The following PLPPR5 variants were observed in gnomAD, a reference collection of about 807,000 sequenced individuals.
PLPPR5 encodes the protein phospholipid phosphatase related 5.
A neutral mutation model predicts 33.9 loss-of-function variants in PLPPR5; 16 were observed. That is an observed-to-expected ratio of 0.47 (90% confidence interval 0.32 to 0.72). The LOEUF is 0.72. PLPPR5 is among the 30% of genes least tolerant of loss of function. PLPPR5 has a pLI of 0.03. For missense variants in PLPPR5, 301 were observed against 406.7 expected (o/e 0.74, Z 2.23); for synonymous variants, 163 against 150.3 (o/e 1.08, Z -0.62).
intron 1 of PLPPR5, among the ~76,000 whole-genome samples, chr1:98,960,352 T>G (rs1447015722): frequency 6.6e-6 from 1 of 151,948 alleles, no homozygotes; most frequent in South Asian, 2.1e-4. Flanking sequence ...TATAGGCACA[T>G]GCCACCACAC....
intron 5 of PLPPR5, among the ~76,000 whole-genome samples, chr1:98,898,971 C>A (rs375821781): frequency 1.6e-4 from 24 of 152,260 alleles, no homozygotes; most frequent in African/African-American, 5.3e-4. Context: ...CTTATGAAGT[C>A]TTTCCAAGTC....
chr1:98,894,084 A>C (rs1487876047), intron 5 of PLPPR5, among the ~76,000 whole-genome samples: 1 of 152,014 alleles, frequency 6.6e-6, no homozygotes, highest in African/African-American at 2.4e-5. Context: ...AGGCATATTA[A>C]ACCACACAAA....
At chr1:98,965,055 C>T (rs1401234823) in intron 1 of PLPPR5, among the ~76,000 whole-genome samples, 4 of 150,564 alleles carry the variant, frequency 2.7e-5, no homozygotes, top group South Asian at 2.1e-4. Context: ...TTATGCAGTC[C>T]GCCCGCCTCA....
intron 1 of PLPPR5, among the ~76,000 whole-genome samples, chr1:99,002,041 T>G (rs1422084120): frequency 2.6e-5 from 4 of 152,210 alleles, no homozygotes; most frequent in Non-Finnish European, 5.9e-5. Flanking sequence ...TGATGGGTAC[T>G]GTTAATATTA....
intron 1 of PLPPR5, among the ~76,000 whole-genome samples, chr1:98,998,012 G>A (rs1321253597): frequency 6.6e-6 from 1 of 152,024 alleles, no homozygotes; most frequent in African/African-American, 2.4e-5. Flanking sequence ...AACACTAACT[G>A]GTGTTATGGT....
At chr1:98,969,935 T>G (rs1651601906) in intron 1 of PLPPR5, among the ~76,000 whole-genome samples, 1 of 152,104 alleles carries the variant, frequency 6.6e-6, no homozygotes, top group South Asian at 2.1e-4. Flanking sequence ...AATAGGCTTT[T>G]GAGGTGACAG....
chr1:98,921,271 G>A (rs1480428865), intron 4 of PLPPR5, among the ~76,000 whole-genome samples: 1 of 152,078 alleles, frequency 6.6e-6, no homozygotes, highest in African/African-American at 2.4e-5. Context: ...TTTACTATGC[G>A]GTGAAATATG....
chr1:98,952,459 A>G (rs916928095), intron 3 of PLPPR5, among the ~76,000 whole-genome samples: 10 of 152,018 alleles, frequency 6.6e-5, no homozygotes, highest in African/African-American at 2.4e-4. Flanking sequence ...TGGGTAATGC[A>G]CTCACTCACT....
chr1:98,969,311 C>T (rs756032690), intron 1 of PLPPR5, among the ~76,000 whole-genome samples: 9 of 151,974 alleles, frequency 5.9e-5, no homozygotes, highest in Non-Finnish European at 5.9e-5. Flanking sequence ...CTGAGAAATG[C>T]TGTCTTTAGA....
At chr1:98,935,043 G>A (rs1650125689) in intron 3 of PLPPR5, among the ~76,000 whole-genome samples, 1 of 152,128 alleles carries the variant, frequency 6.6e-6, no homozygotes, top group South Asian at 2.1e-4. Flanking sequence ...GGGGCTTCTG[G>A]AGCCTCTATG....
chr1:98,983,369 A>T (rs1488720298), intron 1 of PLPPR5, among the ~76,000 whole-genome samples: 4 of 126,776 alleles, frequency 3.2e-5, no homozygotes, highest in Admixed American at 8.2e-5. Flanking sequence ...TAGTTTACTG[A>T]GAATGATGAT....
At chr1:98,932,682 T>G (rs1314408078) in intron 3 of PLPPR5, among the ~76,000 whole-genome samples, 1 of 152,196 alleles carries the variant, frequency 6.6e-6, no homozygotes, top group African/African-American at 2.4e-5. Flanking sequence ...CTAATGTACT[T>G]AACAGGCTAT....
chr1:98,894,362 G>A (rs1484541423), intron 5 of PLPPR5, among the ~76,000 whole-genome samples: 1 of 152,038 alleles, frequency 6.6e-6, no homozygotes, highest in East Asian at 1.9e-4. Flanking sequence ...ACTTGTCAGA[G>A]TTATATAATG....
rs117339954 is a variant in PLPPR5 at position 98,934,784 on chromosome 1, C to T, written c.622-12726G>A. Among the ~76,000 whole-genome samples the T allele has an allele frequency of 1.2e-3, 175 of 152,074 alleles. No individual in the cohort carries two copies. In the East Asian group the frequency reaches 0.025, roughly 22 times the overall value. Reference sequence around the variant, plus strand: ...AAATGGAAGCAACCACCAACCCGGACGTGAGGGGAGTGTTAGGCAAAACTT... The same window carrying T: ...AAATGGAAGCAACCACCAACCCGGATGTGAGGGGAGTGTTAGGCAAAACTT... On this transcript the variant is annotated intron_variant, in intron 3 of 5. Transcript: ENST00000263177.
At chr1:98,949,441 T>C (rs954978334) in intron 3 of PLPPR5, among the ~76,000 whole-genome samples, 1 of 152,206 alleles carries the variant, frequency 6.6e-6, no homozygotes, top group East Asian at 1.9e-4. Context: ...AGTTATTATT[T>C]ACGTACTCCA....
At chr1:98,925,531 T>C (rs1011845808) in intron 3 of PLPPR5, among the ~76,000 whole-genome samples, 3 of 152,164 alleles carry the variant, frequency 2.0e-5, no homozygotes, top group African/African-American at 7.2e-5. Context: ...TATAAAAAGG[T>C]TTTGCTTACT....
At chr1:98,905,384 G>A (rs887956945) in intron 5 of PLPPR5, among the ~76,000 whole-genome samples, 1 of 151,994 alleles carries the variant, frequency 6.6e-6, no homozygotes, top group African/African-American at 2.4e-5. Flanking sequence ...TCAACTTTTT[G>A]ACATGTGTGT....
chr1:98,964,542 A>C (rs574878848), intron 1 of PLPPR5, among the ~76,000 whole-genome samples: 1 of 152,300 alleles, frequency 6.6e-6, no homozygotes, highest in African/African-American at 2.4e-5. Flanking sequence ...CTGGCACAGT[A>C]AGTGCAGAGC....
At chr1:98,902,355 A>T (rs1173444361) in intron 5 of PLPPR5, among the ~76,000 whole-genome samples, 1 of 20,218 alleles carries the variant, frequency 4.9e-5, no homozygotes, top group East Asian at 1.5e-3. Flanking sequence ...TGGGTCTTGA[A>T]GGTTATTTTA....
Sources: gnomAD v4.1 joint callset for allele counts (sites outside exome capture counted in the v4.1 genomes callset) on GRCh38, gnomAD v4.1.1 for gene constraint, MANE v1.5 for transcripts, NCBI Gene and HGNC (gene_info 2026-07-23, HGNC 2026-07-21) for gene names.